CTNNBL1: variants seen among roughly 807,000 people sequenced by gnomAD.
CTNNBL1 encodes the protein beta-catenin-like protein 1.
A neutral mutation model predicts 72.7 loss-of-function variants in CTNNBL1; 31 were observed. That is an observed-to-expected ratio of 0.43 (90% CI 0.32 to 0.58). The LOEUF (loss-of-function observed/expected upper bound fraction) is 0.58, where lower values mean the gene tolerates loss of function less well. Among genes scored for constraint, CTNNBL1 ranks in the 20% least tolerant of loss-of-function variants. The pLI is 0.08. For synonymous variants in CTNNBL1, 240 were observed against 267.3 expected, an observed-to-expected ratio of 0.90 and a Z score of 1.00; for missense variants, 534 against 725.1, an observed-to-expected ratio of 0.74 and a Z score of 3.03.
chr20:37,866,616 AG>A (rs2072539236), intron 15 of CTNNBL1, among the ~76,000 whole-genome samples: 1 of 152,258 alleles, frequency 6.6e-6, no homozygotes, highest in African/African-American at 2.4e-5. Flanking sequence ...AAGCTCACCC[AG>A]GAACAGAGAT....
At chr20:37,781,921 G>A (rs1266269429) in intron 10 of CTNNBL1, among the ~76,000 whole-genome samples, 2 of 152,288 alleles carry the variant, frequency 1.3e-5, no homozygotes, top group Admixed American at 6.5e-5. Flanking sequence ...GGACTTGTAA[G>A]TGTGGGTTTG....
chr20:37,755,900 T>C (rs1483456257), intron 4 of CTNNBL1, among the ~76,000 whole-genome samples: 1 of 152,230 alleles, frequency 6.6e-6, no homozygotes, highest in African/African-American at 2.4e-5. Flanking sequence ...CACCGTGCTT[T>C]AGTGCGTCCT....
At chr20:37,807,360 G>C (rs1169174813) in intron 11 of CTNNBL1, among the ~76,000 whole-genome samples, 1 of 152,150 alleles carries the variant, frequency 6.6e-6, no homozygotes, top group Non-Finnish European at 1.5e-5. Flanking sequence ...ATACCCATGG[G>C]GATGGCCAGG....
chr20:37,786,326 G>C (rs1485493434), intron 10 of CTNNBL1, among the ~76,000 whole-genome samples: 1 of 152,192 alleles, frequency 6.6e-6, no homozygotes, highest in African/African-American at 2.4e-5. Context: ...GTCCAGCCAG[G>C]CTTGTGTCCT....
intron 5 of CTNNBL1, among the ~76,000 whole-genome samples, chr20:37,763,710 T>G (rs565521498): frequency 1.2e-4 from 18 of 152,268 alleles, no homozygotes; most frequent in South Asian, 6.2e-4. Flanking sequence ...CTCCATTCTC[T>G]CCCGTCATTG....
Position 37,825,388 on chromosome 20 carries a change from A to G in CTNNBL1, c.1214-14714A>G, listed in dbSNP as rs183217742. Among the ~76,000 whole-genome samples the G allele has an allele frequency of 2.4e-3, 357 of 151,664 alleles. 3 individuals carry two copies. The highest frequency in any genetic ancestry group is 7.0e-3 in the African/African-American group (288 of 41,326). Reference sequence around the variant, plus strand: ...AATAAGAAATAAAATAAAAAGAGAAACTGAGGCCGGGCGTGACGGCTCACG... The same window carrying G: ...AATAAGAAATAAAATAAAAAGAGAAGCTGAGGCCGGGCGTGACGGCTCACG... On this transcript the variant is annotated intron_variant, in intron 11 of 15. Coordinates refer to ENST00000361383, the MANE Select transcript of CTNNBL1 (RefSeq NM_030877.5).
rs763141822 is a variant in CTNNBL1 at position 37,779,224 on chromosome 20, A to G, written c.920A>G (p.Gln307Arg). The G allele has an allele frequency of 6.2e-7, 1 of 1,613,764 alleles. No homozygotes were observed. The highest frequency in any genetic ancestry group is 8.5e-7 in the Non-Finnish European group (1 of 1,179,740). ...KRHNPSTAEE[Q>R]EMMENLFDSL... The stretch of plus-strand genomic sequence containing the variant: ...CACAATCCCAGCACGGCTGAGGAGC[A>G]GGAGATGATGGAGAATCTGTTTGAT... Residue 307 changes from glutamine to arginine, a missense_variant, in exon 10 of 16, where the codon CAG (glutamine) becomes CGG (arginine). Coordinates refer to ENST00000361383, the MANE Select transcript of CTNNBL1 (RefSeq NM_030877.5).
At position 37,859,960 on chromosome 20, in the gene CTNNBL1, G is replaced by T; in HGVS notation, c.1454G>T (p.Arg485Leu). 6.2e-7 allele frequency: 1 copy of T among 1,614,164 alleles called. No individual in the cohort carries two copies. Among genetic ancestry groups the T allele is most frequent in the African/African-American group, 1.3e-5 (1 of 75,040 alleles). Residue 485 changes from arginine (R) to leucine (L), a missense_variant, in exon 14 of 16, where the codon CGC becomes CTC. By Grantham distance (102) the Arg-to-Leu change is moderately radical. Coordinates refer to ENST00000361383, the MANE Select transcript of CTNNBL1 (RefSeq NM_030877.5). Reference protein sequence around the residue: ...NDTEEEFYLRRLDAGLFVLQH... With the variant: ...NDTEEEFYLRLLDAGLFVLQH... Reference sequence around the variant, plus strand: ...ACCGAGGAGGAGTTCTACCTCCGGCGCCTGGATGCGGGGCTCTTTGTTCTC... The same window carrying T: ...ACCGAGGAGGAGTTCTACCTCCGGCTCCTGGATGCGGGGCTCTTTGTTCTC...
intron 7 of CTNNBL1, 70 bp from the exon 8 acceptor site, chr20:37,777,274 GT>G: frequency 8.3e-7 from 1 of 1,206,586 alleles, no homozygotes; most frequent in Admixed American, 1.7e-5. Flanking sequence ...CATAGTACTC[GT>G]GAAAAATTTG....
chr20:37,871,951 C>T lies in CTNNBL1; in HGVS notation c.1630C>T (p.Arg544Trp), dbSNP rs370193565. Residue 544 changes from arginine (R) to tryptophan (W), a missense_variant, in exon 16 of 16, where the codon CGG becomes TGG. Coordinates refer to ENST00000361383, the MANE Select transcript of CTNNBL1 (RefSeq NM_030877.5). ...GTATGCAGAGAACATCGGGGACGGC[C>T]GGAGCCCGGAGTTCCGGGAGAACGA... ...KEYAENIGDG[R>W]SPEFRENEQK... 12 of 1,613,892 alleles carry T rather than the reference C, an allele frequency of 7.4e-6. No individual in the cohort carries two copies. The highest frequency in any genetic ancestry group is 2.2e-5 in the East Asian group (1 of 44,894).
rs1600543943 is a variant in CTNNBL1, at chr20:37,872,081, C to G, written c.*68C>G. 9 of 1,352,370 alleles carry G rather than the reference C, an allele frequency of 6.7e-6. No individual in the cohort carries two copies. The East Asian group carries it at 1.6e-4, about 24-fold the overall frequency. 83.8% of individuals were successfully genotyped at this position (1,352,370 alleles called of 1,614,324 possible). ...TCCCAGGATCAGTTTCTACACAACT[C>G]TGTGTGGCTTTTGGACAAATTAAAG... On this transcript the variant is annotated 3_prime_UTR_variant, in exon 16 of 16. Transcript: ENST00000361383.
intron 10 of CTNNBL1, among the ~76,000 whole-genome samples, chr20:37,781,013 T>C (rs2073620856): frequency 2.0e-5 from 3 of 152,280 alleles, no homozygotes; most frequent in Admixed American, 2.0e-4. Flanking sequence ...TACCAGACCT[T>C]GCATTGACCA....
chr20:37,851,091 C>T (rs1375594245), intron 13 of CTNNBL1, among the ~76,000 whole-genome samples: 1 of 152,208 alleles, frequency 6.6e-6, no homozygotes, highest in African/African-American at 2.4e-5. Flanking sequence ...GGGGGAAACA[C>T]ACACACACAA....
intron 10 of CTNNBL1, among the ~76,000 whole-genome samples, chr20:37,781,002 G>A (rs2073620775): frequency 6.6e-6 from 1 of 152,094 alleles, no homozygotes; most frequent in Non-Finnish European, 1.5e-5. Context: ...TGTCCAGTGT[G>A]TACCAGACCT....
At chr20:37,709,873 G>T (rs2072922030) in intron 1 of CTNNBL1, among the ~76,000 whole-genome samples, 1 of 152,170 alleles carries the variant, frequency 6.6e-6, no homozygotes, top group South Asian at 2.1e-4. Flanking sequence ...AAAATGTGAT[G>T]CCCTTCAGAA....
At chr20:37,853,252 T>C (rs1453254351) in intron 13 of CTNNBL1, among the ~76,000 whole-genome samples, 3 of 152,188 alleles carry the variant, frequency 2.0e-5, no homozygotes, top group Non-Finnish European at 4.4e-5. Context: ...CATAATTCAG[T>C]TTTTCCCTAC....
chr20:37,857,736 G>A (rs1243778084), intron 13 of CTNNBL1, among the ~76,000 whole-genome samples: 1 of 152,218 alleles, frequency 6.6e-6, no homozygotes, highest in African/African-American at 2.4e-5. Context: ...AGGAGCCCAA[G>A]TTGTCAGAAG....
At chr20:37,713,163 G>C (rs189070357) in intron 1 of CTNNBL1, among the ~76,000 whole-genome samples, 85 of 152,248 alleles carry the variant, frequency 5.6e-4, no homozygotes, top group Admixed American at 3.5e-3. Context: ...CACAAAACTT[G>C]CAAGGACACA....
intron 11 of CTNNBL1, among the ~76,000 whole-genome samples, chr20:37,831,341 G>T: frequency 7.0e-6 from 1 of 142,208 alleles, no homozygotes; most frequent in African/African-American, 2.6e-5. Flanking sequence ...TATTGTAATT[G>T]TTTATTTCTT....
Sources: gnomAD v4.1 joint callset for allele counts (sites outside exome capture counted in the v4.1 genomes callset) on GRCh38, gnomAD v4.1.1 for gene constraint, MANE v1.5 for transcripts, NCBI Gene and HGNC (gene_info 2026-07-23, HGNC 2026-07-21) for gene names.